Variants in SLC44A5 observed in about 807,000 individuals in gnomAD.
SLC44A5 encodes the protein choline transporter-like protein 5.
SLC44A5 carries 57 observed loss-of-function variants against 101.8 expected under a neutral mutation model. The ratio of observed to expected loss-of-function variants is 0.56; its 90% CI spans 0.45 to 0.70. The LOEUF is 0.70. Among genes scored for constraint, SLC44A5 ranks in the 30% least tolerant of loss-of-function variants. The pLI, the probability that SLC44A5 is intolerant of heterozygous loss-of-function variation, is 0.00. For synonymous variants in SLC44A5, 281 were observed against 290.9 expected, an observed-to-expected ratio of 0.97 and a Z score of 0.35; for missense variants, 737 against 853.1, an observed-to-expected ratio of 0.86 and a Z score of 1.70.
intron 3 of SLC44A5, among the ~76,000 whole-genome samples, chr1:75,357,491 G>C (rs1312575888): frequency 6.6e-6 from 1 of 152,168 alleles, no homozygotes; most frequent in Non-Finnish European, 1.5e-5. Flanking sequence ...TTGTGAAGCA[G>C]AAATACACAA....
At chr1:75,265,922 A>T (rs1650946355) in intron 6 of SLC44A5, among the ~76,000 whole-genome samples, 1 of 152,124 alleles carries the variant, frequency 6.6e-6, no homozygotes, top group Non-Finnish European at 1.5e-5. Context: ...TTTTTGTGGA[A>T]ATCTCAAAGA....
intron 3 of SLC44A5, among the ~76,000 whole-genome samples, chr1:75,362,870 T>C (rs1659597075): frequency 6.6e-6 from 1 of 152,000 alleles, no homozygotes. Flanking sequence ...AAGTCCAGTG[T>C]TTTCTTTTTG....
At chr1:75,333,905 C>T (rs1489213160) in intron 4 of SLC44A5, among the ~76,000 whole-genome samples, 1 of 152,198 alleles carries the variant, frequency 6.6e-6, no homozygotes, top group Non-Finnish European at 1.5e-5. Context: ...TGTAGTCACA[C>T]TTGAGTTCTT....
chr1:75,507,798 A>T (rs1295554025), intron 2 of SLC44A5, among the ~76,000 whole-genome samples: 3 of 152,132 alleles, frequency 2.0e-5, no homozygotes, highest in African/African-American at 7.2e-5. Flanking sequence ...TGTTTCTAAG[A>T]ATTTAACCAT....
intron 1 of SLC44A5, among the ~76,000 whole-genome samples, chr1:75,543,756 G>A (rs146073081): frequency 2.0e-3 from 294 of 150,382 alleles, no homozygotes; most frequent in African/African-American, 6.8e-3. Context: ...TCCATATAAG[G>A]TAGCAATCAT....
intron 2 of SLC44A5, among the ~76,000 whole-genome samples, chr1:75,518,678 T>C (rs1194455884): frequency 1.3e-5 from 2 of 152,248 alleles, no homozygotes; most frequent in South Asian, 2.1e-4. Context: ...GAACATTCTA[T>C]CTGTTAAAAA....
intron 1 of SLC44A5, among the ~76,000 whole-genome samples, chr1:75,607,209 C>T (rs1269776883): frequency 2.0e-5 from 3 of 152,058 alleles, no homozygotes; most frequent in South Asian, 4.1e-4. Context: ...GTAGTTGATG[C>T]CAAGTCCACC....
chr1:75,536,495 G>C (rs1258199960), intron 2 of SLC44A5, among the ~76,000 whole-genome samples: 1 of 151,034 alleles, frequency 6.6e-6, no homozygotes, highest in African/African-American at 2.4e-5. Context: ...CAGCTACTCC[G>C]GAGGCTGAGG....
At chr1:75,355,831 T>A (rs559533935) in intron 3 of SLC44A5, among the ~76,000 whole-genome samples, 4 of 152,344 alleles carry the variant, frequency 2.6e-5, no homozygotes, top group African/African-American at 9.6e-5. Context: ...ATGACTATGT[T>A]ACTTGTTTAT....
intron 2 of SLC44A5, among the ~76,000 whole-genome samples, chr1:75,405,348 A>G (rs1299820371): frequency 6.6e-6 from 1 of 152,214 alleles, no homozygotes; most frequent in East Asian, 1.9e-4. Flanking sequence ...GCTCTGGACC[A>G]AGTGGACCTA....
rs139643667 is a variant in SLC44A5 at position 75,529,313 on chromosome 1, C to G, written c.13+12122G>C. On this transcript the variant is annotated intron_variant, in intron 2 of 23. Transcript: ENST00000370859. Reference sequence around the variant, plus strand: ...AGCAGGATACCTTTGGGATATGGGACAGTTGATGCCTCTATTATCTCTTTC... The same window carrying G: ...AGCAGGATACCTTTGGGATATGGGAGAGTTGATGCCTCTATTATCTCTTTC... 2.9e-3 allele frequency among the ~76,000 whole-genome samples: 447 copies of G among 152,300 alleles called. 4 individuals carry two copies. Among genetic ancestry groups the G allele is most frequent in the African/African-American group, 9.9e-3 (413 of 41,574 alleles).
chr1:75,326,752 T>A (rs1158571850), intron 4 of SLC44A5, among the ~76,000 whole-genome samples: 2 of 152,168 alleles, frequency 1.3e-5, no homozygotes, highest in Non-Finnish European at 2.9e-5. Context: ...ATTTCCTCTT[T>A]TATTGAACAG....
chr1:75,472,403 A>G (rs960374188), intron 2 of SLC44A5, among the ~76,000 whole-genome samples: 3 of 152,122 alleles, frequency 2.0e-5, no homozygotes, highest in African/African-American at 7.2e-5. Flanking sequence ...ATTAATCTCA[A>G]CAAGCCTGAA....
chr1:75,572,693 A>C (rs1673136153), intron 1 of SLC44A5, among the ~76,000 whole-genome samples: 1 of 152,194 alleles, frequency 6.6e-6, no homozygotes, highest in Admixed American at 6.5e-5. Context: ...ATGAAATAAG[A>C]AATACAGATT....
Position 75,385,688 on chromosome 1 carries a change from C to A in SLC44A5, c.52+10895G>T, listed in dbSNP as rs372196497. ...ATTCCAATCAATAGAAAAAGAGGGA[C>A]TCCTCCCTAACTCATTTTATGAAGC... On this transcript the variant is annotated intron_variant, in intron 3 of 23. Coordinates refer to ENST00000370859, the MANE Select transcript of SLC44A5 (RefSeq NM_001130058.2). 6.2e-4 allele frequency among the ~76,000 whole-genome samples: 94 copies of A among 152,234 alleles called. No homozygotes were observed. In the South Asian group the frequency reaches 6.4e-3, roughly 10 times the overall value.
At chr1:75,532,116 C>T (rs951537811) in intron 2 of SLC44A5, among the ~76,000 whole-genome samples, 1 of 152,138 alleles carries the variant, frequency 6.6e-6, no homozygotes, top group Non-Finnish European at 1.5e-5. Flanking sequence ...TGAGTTTTAA[C>T]AAGCTCTCCA....
At chr1:75,218,391 CA>C (rs1647005588) in intron 17 of SLC44A5, 98 bp downstream of exon 17, 1 of 1,461,292 alleles carries the variant, frequency 6.8e-7, no homozygotes, top group Non-Finnish European at 9.3e-7. Flanking sequence ...CCTTTGATTT[CA>C]TTTGTACCTT....
chr1:75,367,402 C>T (rs925859743), intron 3 of SLC44A5, among the ~76,000 whole-genome samples: 13 of 152,142 alleles, frequency 8.5e-5, no homozygotes, highest in Middle Eastern at 3.2e-3. Flanking sequence ...GTCATCGAGA[C>T]AAGGATCATA....
intron 1 of SLC44A5, among the ~76,000 whole-genome samples, chr1:75,551,536 C>T (rs1204882243): frequency 6.6e-6 from 1 of 152,030 alleles, no homozygotes; most frequent in African/African-American, 2.4e-5. Context: ...AGTTAACTTC[C>T]TCATAGAGAC....
Sources: gnomAD v4.1 joint callset for allele counts (sites outside exome capture counted in the v4.1 genomes callset) on GRCh38, gnomAD v4.1.1 for gene constraint, MANE v1.5 for transcripts, NCBI Gene and HGNC (gene_info 2026-07-23, HGNC 2026-07-21) for gene names.